GFRA1: variants seen among roughly 807,000 people sequenced by gnomAD.
GFRA1 encodes the protein GDNF family receptor alpha-1.
In GFRA1, 16 loss-of-function variants were observed where a neutral mutation model predicts 51.6. The ratio of observed to expected loss-of-function variants is 0.31; its 90% CI spans 0.21 to 0.47. The LOEUF (loss-of-function observed/expected upper bound fraction) is 0.47, where lower values mean the gene tolerates loss of function less well. Ranked by LOEUF, GFRA1 falls within the 20% of genes least tolerant of loss-of-function variation. The pLI, the probability that GFRA1 is intolerant of heterozygous loss-of-function variation, is 1.00. For synonymous variants in GFRA1, 270 were observed against 241.3 expected (o/e 1.12, Z -1.10); for missense variants, 530 against 594.3 (o/e 0.89, Z 1.13).
At chr10:116,254,995 G>A (rs139394987) in intron 4 of GFRA1, among the ~76,000 whole-genome samples, 6 of 152,222 alleles carry the variant, frequency 3.9e-5, no homozygotes, top group African/African-American at 1.2e-4. Context: ...CTGACCCCAC[G>A]CACAAGGCAG....
At chr10:116,154,096 T>G (rs1317167536) in intron 5 of GFRA1, among the ~76,000 whole-genome samples, 4 of 151,976 alleles carry the variant, frequency 2.6e-5, no homozygotes, top group African/African-American at 4.8e-5. Context: ...AAAACAAACA[T>G]GAGTGTGTCC....
intron 5 of GFRA1, among the ~76,000 whole-genome samples, chr10:116,178,220 T>G (rs1228000132): frequency 6.6e-6 from 1 of 152,006 alleles, no homozygotes; most frequent in African/African-American, 2.4e-5. Context: ...TTAGGAACTA[T>G]TTGTTTTGCA....
At chr10:116,233,711 T>G (rs538664326) in intron 4 of GFRA1, among the ~76,000 whole-genome samples, 15 of 152,324 alleles carry the variant, frequency 9.8e-5, no homozygotes, top group Non-Finnish European at 1.6e-4. Flanking sequence ...ATCTTCCTCT[T>G]TCAAGGTCAT....
intron 4 of GFRA1, among the ~76,000 whole-genome samples, chr10:116,246,957 C>T (rs1482744682): frequency 6.6e-6 from 1 of 152,094 alleles, no homozygotes; most frequent in Non-Finnish European, 1.5e-5. Flanking sequence ...GAATGCCCAT[C>T]AAGAGTGGAA....
intron 4 of GFRA1, among the ~76,000 whole-genome samples, chr10:116,218,599 CTG>C (rs2134481354): frequency 6.6e-6 from 1 of 152,260 alleles, no homozygotes; most frequent in South Asian, 2.1e-4. Context: ...GATTAGTTTT[CTG>C]TGTCTCCAAA....
At chr10:116,109,653 C>G (rs1206259870) in intron 6 of GFRA1, among the ~76,000 whole-genome samples, 1 of 152,074 alleles carries the variant, frequency 6.6e-6, no homozygotes, top group African/African-American at 2.4e-5. Context: ...TAGGGCTCCC[C>G]GGGCCCACGG....
intron 6 of GFRA1, among the ~76,000 whole-genome samples, chr10:116,106,277 A>C (rs1405916632): frequency 6.6e-6 from 1 of 152,234 alleles, no homozygotes; most frequent in African/African-American, 2.4e-5. Flanking sequence ...GTTTGTGGTA[A>C]TTTGTTAACA....
intron 6 of GFRA1, among the ~76,000 whole-genome samples, chr10:116,118,912 T>C (rs961373958): frequency 6.6e-6 from 1 of 150,902 alleles, no homozygotes; most frequent in Non-Finnish European, 1.5e-5. Flanking sequence ...GAACAGGGAG[T>C]AAAACTAGAC....
rs1262667000 is a variant in GFRA1 at position 116,064,049 on chromosome 10, G to C, written c.*349C>G. ...GTAAAACTGTTAAAATCATCATCAT[G>C]ATCATGATGATCATCATCATGATCA... On this transcript the variant is annotated 3_prime_UTR_variant, in exon 11 of 11. Coordinates refer to ENST00000355422, the MANE Select transcript of GFRA1 (RefSeq NM_005264.8). 4.8e-5 allele frequency: 5 copies of C among 105,226 alleles called. No homozygotes were observed. The highest frequency in any genetic ancestry group is 1.2e-4 in the South Asian group (1 of 8,540). 6.5% of individuals were successfully genotyped at this position (105,226 alleles called of 1,614,324 possible).
At chr10:116,182,121 G>A (rs1394064510) in intron 5 of GFRA1, among the ~76,000 whole-genome samples, 1 of 144,092 alleles carries the variant, frequency 6.9e-6, no homozygotes, top group African/African-American at 2.5e-5. Context: ...GGAGGGCAGA[G>A]ATGGGGAGGG....
In GFRA1 at chr10:116,190,698, G is replaced by C. The variant is rs536201868; in HGVS notation, c.433+20933C>G. 3.3e-5 allele frequency among the ~76,000 whole-genome samples: 5 copies of C among 152,326 alleles called. No homozygotes were observed. The East Asian group carries it at 9.7e-4, about 29-fold the overall frequency. On this transcript the variant is annotated intron_variant, in intron 5 of 10. Transcript: ENST00000355422. ...AGACATTTCAAGAGGTTCTGAAAGTGAAAGAAAGGAAAAGAAGAGAAGGAG... is the reference window on the plus strand; with the variant it reads ...AGACATTTCAAGAGGTTCTGAAAGTCAAAGAAAGGAAAAGAAGAGAAGGAG...
intron 4 of GFRA1, among the ~76,000 whole-genome samples, chr10:116,219,879 G>A (rs1237279323): frequency 2.0e-5 from 3 of 152,124 alleles, no homozygotes; most frequent in African/African-American, 7.2e-5. Context: ...TCCAAACACA[G>A]TTGTCTAAAC....
At chr10:116,122,889 C>G (rs1957705307) in intron 6 of GFRA1, among the ~76,000 whole-genome samples, 1 of 152,196 alleles carries the variant, frequency 6.6e-6, no homozygotes, top group African/African-American at 2.4e-5. Context: ...TTGGACCCAT[C>G]AGTGGACAAG....
At chr10:116,064,948 A>G (rs761102987) in intron 10 of GFRA1, among the ~76,000 whole-genome samples, 4 of 152,128 alleles carry the variant, frequency 2.6e-5, no homozygotes, top group Admixed American at 6.5e-5. Flanking sequence ...CCCAGATTTT[A>G]TAGATGAGGA....
chr10:116,258,963 G>A (rs1290871618), intron 4 of GFRA1, among the ~76,000 whole-genome samples: 1 of 152,188 alleles, frequency 6.6e-6, no homozygotes, highest in Non-Finnish European at 1.5e-5. Flanking sequence ...CCATTCCCAA[G>A]CTAAGAAGAA....
intron 4 of GFRA1, among the ~76,000 whole-genome samples, chr10:116,221,401 C>T (rs532325327): frequency 6.6e-6 from 1 of 152,234 alleles, no homozygotes; most frequent in Admixed American, 6.5e-5. Flanking sequence ...CTAAGACACC[C>T]CAGAGAGAGA....
intron 4 of GFRA1, among the ~76,000 whole-genome samples, chr10:116,213,335 G>T (rs1965340080): frequency 6.6e-6 from 1 of 152,088 alleles, no homozygotes; most frequent in African/African-American, 2.4e-5. Flanking sequence ...GTTTTAAATG[G>T]CTATATAAAG....
At chr10:116,186,233 TGA>T (rs1417567406) in intron 5 of GFRA1, among the ~76,000 whole-genome samples, 2 of 152,194 alleles carry the variant, frequency 1.3e-5, no homozygotes, top group African/African-American at 2.4e-5. Context: ...GAGGTGCTTC[TGA>T]GGGTTCATGT....
At chr10:116,106,582 G>C (rs2251149) in intron 6 of GFRA1, among the ~76,000 whole-genome samples, 27,278 of 150,820 alleles carry the variant, frequency 0.18, 2,481 homozygotes, top group Middle Eastern at 0.25. Flanking sequence ...CTTGGGTAGC[G>C]AGTAGGTTCT....
Sources: allele counts gnomAD v4.1 joint callset (sites outside exome capture counted in the v4.1 genomes callset), GRCh38; gene constraint gnomAD v4.1.1; transcripts MANE v1.5; gene names NCBI Gene and HGNC (gene_info 2026-07-23, HGNC 2026-07-21).